HDAC9: variants seen among roughly 807,000 people sequenced by gnomAD.
The protein encoded by HDAC9 is histone deacetylase 9, also known as MEF-2 interacting transcription repressor (MITR) protein.
A neutral mutation model predicts 139.4 loss-of-function variants in HDAC9; 41 were observed. The ratio of observed to expected loss-of-function variants is 0.29; its 90% CI spans 0.23 to 0.38. The LOEUF (loss-of-function observed/expected upper bound fraction) is 0.38. HDAC9 is among the 10% of genes least tolerant of loss of function. The probability of loss-of-function intolerance (pLI) is 1.00; values close to 1 mark genes in which losing one functional copy is unlikely to be tolerated. For missense variants in HDAC9, 1,147 were observed against 1,297.0 expected, an observed-to-expected ratio of 0.88 and a Z score of 1.78; for synonymous variants, 517 against 476.2, an observed-to-expected ratio of 1.09 and a Z score of -1.12.
chr7:18,669,628 C>G (rs904810104), intron 12 of HDAC9, among the ~76,000 whole-genome samples: 1 of 151,728 alleles, frequency 6.6e-6, no homozygotes, highest in Non-Finnish European at 1.5e-5. Flanking sequence ...TGCCTTTGAA[C>G]TATAAAATTA....
chr7:18,439,916 ACTG>A (rs1166981060), intron 1 of HDAC9, among the ~76,000 whole-genome samples: 20 of 152,296 alleles, frequency 1.3e-4, no homozygotes, highest in Middle Eastern at 6.8e-3. Context: ...TATTTTTTGA[ACTG>A]CTTTCACTTA....
At chr7:18,539,527 A>G (rs1812028032) in intron 2 of HDAC9, among the ~76,000 whole-genome samples, 1 of 152,214 alleles carries the variant, frequency 6.6e-6, no homozygotes, top group African/African-American at 2.4e-5. Flanking sequence ...ACGGTATTGT[A>G]CTCACGTTAA....
chr7:18,985,163 G>A (rs983942588), intron 25 of HDAC9, among the ~76,000 whole-genome samples: 7 of 152,016 alleles, frequency 4.6e-5, no homozygotes, highest in East Asian at 3.9e-4. Flanking sequence ...ATGCTGGTGC[G>A]CTGCACCCAC....
chr7:18,192,979 TGG>T (rs1193054833), intron 2 of HDAC9, among the ~76,000 whole-genome samples: 2 of 152,192 alleles, frequency 1.3e-5, no homozygotes, highest in Non-Finnish European at 2.9e-5. Context: ...TTTATTTGAG[TGG>T]GTCTCCTTGA....
intron 1 of HDAC9, among the ~76,000 whole-genome samples, chr7:18,434,692 A>G (rs575519520): frequency 2.6e-5 from 4 of 152,336 alleles, no homozygotes; most frequent in South Asian, 4.1e-4. Flanking sequence ...TACAAGAGAT[A>G]CCACCTCACA....
At position 18,248,819 on chromosome 7, in the gene HDAC9, GATTC is replaced by G. The variant is rs372152195; in HGVS notation, c.25+86480_25+86483del. Reference sequence around the variant, plus strand: ...TTCTGTGGTGCAAAGATGAGAGCTAGATTCATTCATTCAGCGATTTATTCATTCA... The same window carrying G: ...TTCTGTGGTGCAAAGATGAGAGCTAGATTCATTCAGCGATTTATTCATTCA... On this transcript the variant is annotated intron_variant, in intron 2 of 12. Coordinates refer to the HDAC9 transcript ENST00000417496. Among the ~76,000 whole-genome samples the G allele has an allele frequency of 3.7e-4, 56 of 152,298 alleles. 1 individual carries two copies. The East Asian group carries it at 0.011, about 29-fold the overall frequency.
At chr7:18,833,840 C>T (rs917204189) in intron 19 of HDAC9, among the ~76,000 whole-genome samples, 2 of 152,102 alleles carry the variant, frequency 1.3e-5, no homozygotes, top group Non-Finnish European at 2.9e-5. Flanking sequence ...TCAGAATTCA[C>T]CAAAAGAAGG....
intron 2 of HDAC9, among the ~76,000 whole-genome samples, chr7:18,574,389 C>T (rs1214181873): frequency 6.6e-6 from 1 of 152,198 alleles, no homozygotes; most frequent in Non-Finnish European, 1.5e-5. Flanking sequence ...GGTCGTTATG[C>T]GCTTCAGAGG....
At chr7:18,732,688 C>CATAT (rs774226239) in intron 13 of HDAC9, among the ~76,000 whole-genome samples, 2 of 79,216 alleles carry the variant, frequency 2.5e-5, no homozygotes, top group African/African-American at 7.5e-5. Flanking sequence ...CGTATGTGTA[C>CATAT]ACACACACAC....
intron 22 of HDAC9, among the ~76,000 whole-genome samples, chr7:18,928,045 A>G (rs1804391630): frequency 6.6e-6 from 1 of 152,212 alleles, no homozygotes; most frequent in Admixed American, 6.5e-5. Flanking sequence ...TTTATTAACC[A>G]AACGAATCAT....
chr7:18,418,812 G>C (rs1015971519), intron 1 of HDAC9, among the ~76,000 whole-genome samples: 3 of 151,934 alleles, frequency 2.0e-5, no homozygotes, highest in African/African-American at 7.3e-5. Flanking sequence ...AGTACAAGAG[G>C]GGGTGCATGC....
intron 1 of HDAC9, among the ~76,000 whole-genome samples, chr7:18,140,980 C>T (rs770783049): frequency 6.7e-6 from 1 of 149,978 alleles, no homozygotes; most frequent in Non-Finnish European, 1.5e-5. Context: ...AGCTAAAATT[C>T]TCAATGAGCA....
At chr7:18,529,181 G>A (rs1293492000) in intron 2 of HDAC9, among the ~76,000 whole-genome samples, 5 of 151,290 alleles carry the variant, frequency 3.3e-5, no homozygotes, top group African/African-American at 1.2e-4. Context: ...AATAACCAGA[G>A]AAGAAAAAAA....
chr7:18,336,874 T>C (rs1781624061), intron 1 of HDAC9, among the ~76,000 whole-genome samples: 1 of 151,590 alleles, frequency 6.6e-6, no homozygotes, highest in East Asian at 1.9e-4. Context: ...ATGGTGGCTG[T>C]GTGAAATTTA....
intron 21 of HDAC9, among the ~76,000 whole-genome samples, chr7:18,846,490 A>G (rs1365108021): frequency 2.0e-5 from 3 of 152,238 alleles, no homozygotes; most frequent in Non-Finnish European, 4.4e-5. Context: ...AGCCCATTAT[A>G]GACTATATCA....
At chr7:18,717,594 G>T (rs1375594547) in intron 12 of HDAC9, among the ~76,000 whole-genome samples, 1 of 151,996 alleles carries the variant, frequency 6.6e-6, no homozygotes, top group Non-Finnish European at 1.5e-5. Context: ...ATCATGCCTG[G>T]CTAACTCTGT....
At chr7:18,484,876 T>C (rs1586221921) in intron 1 of HDAC9, among the ~76,000 whole-genome samples, 1 of 148,724 alleles carries the variant, frequency 6.7e-6, no homozygotes, top group Admixed American at 6.7e-5. Context: ...AAGGAAAACG[T>C]AAAAAATTTT....
At chr7:18,285,725 C>T (rs1388275173), upstream of HDAC9, among the ~76,000 whole-genome samples, 1 of 152,216 alleles carries the variant, frequency 6.6e-6, no homozygotes, top group East Asian at 1.9e-4. Context: ...CTAGAGAAGA[C>T]AGGCACACTG....
At chr7:18,727,348 C>T (rs952397003) in intron 12 of HDAC9, among the ~76,000 whole-genome samples, 1 of 152,252 alleles carries the variant, frequency 6.6e-6, no homozygotes, top group South Asian at 2.1e-4. Context: ...GCCATCACCT[C>T]CTCCTTAGCC....
Sources: gnomAD v4.1 joint callset for allele counts (sites outside exome capture counted in the v4.1 genomes callset) on GRCh38, gnomAD v4.1.1 for gene constraint, MANE v1.5 for transcripts, NCBI Gene and HGNC (gene_info 2026-07-23, HGNC 2026-07-21) for gene names.